The following ERN1 variants were observed in gnomAD, a reference collection of about 807,000 sequenced individuals.
The protein encoded by ERN1 is serine/threonine-protein kinase/endoribonuclease IRE1.
Under a neutral mutation model 113.1 loss-of-function variants are expected in ERN1, and 39 were observed. The ratio of observed to expected loss-of-function variants is 0.34; its 90% CI spans 0.27 to 0.45. The LOEUF (loss-of-function observed/expected upper bound fraction) is 0.45, where lower values mean the gene tolerates loss of function less well. ERN1 is among the 20% of genes least tolerant of loss of function. ERN1 has a pLI of 1.00. For missense variants in ERN1, 976 were observed against 1,274.8 expected, an observed-to-expected ratio of 0.77 and a Z score of 3.57; for synonymous variants, 507 against 515.9, an observed-to-expected ratio of 0.98 and a Z score of 0.23.
At position 64,064,135 on chromosome 17, in the gene ERN1, A is replaced by T. The variant is rs1402984769; in HGVS notation, c.938T>A (p.Leu313His). ...AGTCTGGGGCCCTTCCAGCAAAGGA[A>T]GTGTGCTGCCGCGGGGCTGTGGAGA... ...GVAVVPRGST[L>H]PLLEGPQTDG... is the part of the protein sequence containing the mutation. Residue 313 changes from leucine to histidine, a missense_variant, in exon 10 of 22, where the codon CTT becomes CAT. Physicochemically the swap from Leu to His is moderately conservative, Grantham distance 99. This residue lies in a region of ERN1 where 459 missense variants were observed against 581.2 expected (regional missense o/e 0.79). Coordinates refer to ENST00000433197, the MANE Select transcript of ERN1 (RefSeq NM_001433.5). 6.2e-7 allele frequency: 1 copy of T among 1,603,302 alleles called. No individual in the cohort carries two copies. Among genetic ancestry groups the T allele is most frequent in the African/African-American group, 1.3e-5 (1 of 74,722 alleles).
At position 64,083,087 on chromosome 17, in the gene ERN1, A is replaced by C. The variant is rs552234179; in HGVS notation, c.176-2279T>G. Among the ~76,000 whole-genome samples, 15 of 152,310 alleles carry C rather than the reference A, an allele frequency of 9.8e-5. 1 individual carries two copies. The highest frequency in any genetic ancestry group is 9.2e-4 in the Admixed American group (14 of 15,298). ...AATGTTTTTCTTTAAGAATCATCTGAATTCAAGATTTGCTTTAAAATACTA... is the reference window on the plus strand; with the variant it reads ...AATGTTTTTCTTTAAGAATCATCTGCATTCAAGATTTGCTTTAAAATACTA... On this transcript the variant is annotated intron_variant, in intron 2 of 21. Coordinates refer to ENST00000433197, the MANE Select transcript of ERN1 (RefSeq NM_001433.5).
chr17:64,047,945 C>T lies in ERN1; in HGVS notation c.2442G>A (p.Ala814=), dbSNP rs547791397. Reference sequence around the variant, plus strand: ...CTGAGGGGCGTTTCTGAGGATCCATCGCAATCATCTTCTCTATCAATTCAC... The same window carrying T: ...CTGAGGGGCGTTTCTGAGGATCCATTGCAATCATCTTCTCTATCAATTCAC... ...IARELIEKMI[A]MDPQKRPSAK... is the part of the protein sequence containing the mutation. Residue 814 remains alanine (A), a synonymous_variant, in exon 19 of 22, where the codon GCG becomes GCA. Transcript: ENST00000433197. The T allele has an allele frequency of 1.7e-5, 27 of 1,613,370 alleles. No individual in the cohort carries two copies. The highest frequency in any genetic ancestry group is 1.6e-4 in the Middle Eastern group (1 of 6,062).
rs1008752132 is a variant in ERN1, at chr17:64,079,884, A to G, written c.210-150T>C. On this transcript the variant is annotated intron_variant, in intron 3 of 21. Coordinates refer to ENST00000433197, the MANE Select transcript of ERN1 (RefSeq NM_001433.5). The stretch of plus-strand genomic sequence containing the variant: ...GTGAGTATATAAGACAATTCCACCC[A>G]CTACTCTCTCTCACTTCAACCACAG... 7.1e-5 allele frequency: 43 copies of G among 606,238 alleles called. 1 individual carries two copies. The Admixed American group carries it at 1.1e-3, about 16-fold the overall frequency. The allele number at this position is 606,238 out of a possible 1,614,324, so 37.6% of individuals were successfully genotyped here.
At chr17:64,066,245 C>G (rs905702533) in intron 8 of ERN1, among the ~76,000 whole-genome samples, 1 of 152,144 alleles carries the variant, frequency 6.6e-6, no homozygotes, top group Non-Finnish European at 1.5e-5. Context: ...TCTTGCATCC[C>G]TACCACCTAA....
intron 1 of ERN1, among the ~76,000 whole-genome samples, chr17:64,100,698 G>A (rs1421014419): frequency 5.3e-5 from 8 of 152,126 alleles, no homozygotes; most frequent in Non-Finnish European, 1.2e-4. Context: ...TTGAACCTGG[G>A]AGGTAGAGTT....
chr17:64,069,721 G>C (rs866337507), intron 6 of ERN1, among the ~76,000 whole-genome samples: 1 of 152,190 alleles, frequency 6.6e-6, no homozygotes, highest in South Asian at 2.1e-4. Context: ...ATGTTGGGTG[G>C]GGGATGGGAA....
intron 1 of ERN1, among the ~76,000 whole-genome samples, chr17:64,114,270 C>A (rs1914748680): frequency 6.6e-6 from 1 of 152,060 alleles, no homozygotes; most frequent in Non-Finnish European, 1.5e-5. Flanking sequence ...CAATAGGAGA[C>A]CCCAGTAATC....
In ERN1 at chr17:64,044,810, T is replaced by G; in HGVS notation, c.2721+50A>C. The G allele has an allele frequency of 8.9e-7, 1 of 1,118,962 alleles. No homozygotes were observed. Among genetic ancestry groups the G allele is most frequent in the Non-Finnish European group, 1.3e-6 (1 of 750,202 alleles). 69.3% of individuals were successfully genotyped at this position (1,118,962 alleles called of 1,614,324 possible). On this transcript the variant is annotated intron_variant, in intron 21 of 21. Coordinates refer to ENST00000433197, the MANE Select transcript of ERN1 (RefSeq NM_001433.5). This position sits in a 1 kb window ranked among gnomAD's most constrained non-coding sequence, Gnocchi z 4.1. ...AAGAATGGATGAAAGGAGGAAGGTG[T>G]CCATGTCATGGCCACTGGGTCTCCT...
At chr17:64,081,135 T>C (rs1913754861) in intron 2 of ERN1, among the ~76,000 whole-genome samples, 1 of 152,176 alleles carries the variant, frequency 6.6e-6, no homozygotes, top group Non-Finnish European at 1.5e-5. Flanking sequence ...CCACACACCG[T>C]GGACAAGGGG....
intron 11 of ERN1, among the ~76,000 whole-genome samples, chr17:64,059,891 A>G (rs1399993000): frequency 5.0e-5 from 6 of 120,390 alleles, no homozygotes; most frequent in African/African-American, 2.0e-4. Flanking sequence ...GGGTCTTGCT[A>G]TGTTGCCCAG....
chr17:64,071,766 G>A (rs796516440), intron 6 of ERN1, among the ~76,000 whole-genome samples: 15 of 152,252 alleles, frequency 9.9e-5, no homozygotes, highest in African/African-American at 9.6e-5. Flanking sequence ...AGGTGGCAGC[G>A]GCGTCACAGG....
At chr17:64,117,733 G>A (rs1391284486) in intron 1 of ERN1, among the ~76,000 whole-genome samples, 1 of 152,190 alleles carries the variant, frequency 6.6e-6, no homozygotes, top group African/African-American at 2.4e-5. Context: ...AGGTGAGCGA[G>A]AGCCGATGAA....
At chr17:64,100,363 T>C (rs1345761795) in intron 1 of ERN1, among the ~76,000 whole-genome samples, 4 of 151,884 alleles carry the variant, frequency 2.6e-5, no homozygotes, top group Non-Finnish European at 5.9e-5. Context: ...GGCCAAGAAG[T>C]GGAAATCCCT....
chr17:64,053,466 C>A lies in ERN1; in HGVS notation c.1954-95G>T. The A allele has an allele frequency of 7.9e-6, 6 of 758,892 alleles. No homozygotes were observed. The East Asian group carries it at 1.8e-4, about 23-fold the overall frequency. The allele number at this position is 758,892 out of a possible 1,614,324, so 47.0% of individuals were successfully genotyped here. A position where few individuals can be genotyped will look rare whatever the true frequency, so the allele number is the denominator to read the frequency against. ...TGATACCATTTTAAGAAAGAAATGG[C>A]AAGTTTTACTGACAACATTCTGTCT... On this transcript the variant is annotated intron_variant, in intron 15 of 21. Transcript: ENST00000433197.
chr17:64,053,060 G>T, intron 16 of ERN1, 81 bp from the exon 17 acceptor site: 1 of 1,201,350 alleles, frequency 8.3e-7, no homozygotes, highest in South Asian at 1.4e-5. Context: ...GTCCTCGTCA[G>T]ACTCCCAATA....
At chr17:64,129,484 A>C (rs545062485) in intron 1 of ERN1, 10 of 241,772 alleles carry the variant, frequency 4.1e-5, no homozygotes, top group Admixed American at 3.9e-4. Context: ...AAGTTTTCGA[A>C]TTTTTAAAAA....
Position 64,065,269 on chromosome 17 carries a change from C to T in ERN1, c.861G>A (p.Gly287=), listed in dbSNP as rs780010057. 1 of 1,605,046 alleles carries T rather than the reference C, an allele frequency of 6.2e-7. No individual in the cohort carries two copies. Among genetic ancestry groups the T allele is most frequent in the Non-Finnish European group, 8.5e-7 (1 of 1,175,714 alleles). Residue 287 remains glycine, a synonymous_variant, in exon 9 of 22, where the codon GGG becomes GGA. Coordinates refer to ENST00000433197, the MANE Select transcript of ERN1 (RefSeq NM_001433.5). ...AGGCATAGAGGCTGGTAGAGTATTT[C>T]CCAACATACAGAGTGGGCCTAGGAG... ...KSKLTPTLYV[G]KYSTSLYASP...
In ERN1 at chr17:64,042,587, C is replaced by A. The variant is rs549891306; in HGVS notation, c.*1401G>T. On this transcript the variant is annotated 3_prime_UTR_variant, in exon 22 of 22. Transcript: ENST00000433197. ...AGTACATGGACAACATCTCCTTACA[C>A]GGTAGGCTGATTGCATTTTAACCTC... 1.3e-5 allele frequency: 2 copies of A among 152,102 alleles called. No individual in the cohort carries two copies. Among genetic ancestry groups the A allele is most frequent in the Non-Finnish European group, 1.5e-5 (1 of 68,038 alleles). 9.4% of individuals were successfully genotyped at this position (152,102 alleles called of 1,614,324 possible). A position where few individuals can be genotyped will look rare whatever the true frequency, so the allele number is the denominator to read the frequency against.
At chr17:64,046,311 C>T (rs1436101827) in intron 19 of ERN1, among the ~76,000 whole-genome samples, 1 of 152,228 alleles carries the variant, frequency 6.6e-6, no homozygotes, top group Non-Finnish European at 1.5e-5. Context: ...CGTGTCTGAG[C>T]TGCAAAGCTG....
Sources: gnomAD v4.1 joint callset for allele counts (sites outside exome capture counted in the v4.1 genomes callset) on GRCh38, gnomAD v4.1.1 for gene constraint, gnomAD v4.1.1 regional missense constraint, Gnocchi (gnomAD v3.1) non-coding constraint, MANE v1.5 for transcripts, NCBI Gene and HGNC (gene_info 2026-07-23, HGNC 2026-07-21) for gene names.